The following PLCXD2 variants were observed in gnomAD, a reference collection of about 807,000 sequenced individuals.
The protein encoded by PLCXD2 is PI-PLC X domain-containing protein 2.
Under a neutral mutation model 28.6 loss-of-function variants are expected in PLCXD2, and 21 were observed. The ratio of observed to expected loss-of-function variants is 0.73; its 90% CI spans 0.52 to 1.06. The LOEUF (loss-of-function observed/expected upper bound fraction) is 1.06, where lower values mean the gene tolerates loss of function less well. PLCXD2 is among the 50% of genes least tolerant of loss of function. The pLI is 0.00. For synonymous variants in PLCXD2, 140 were observed against 150.1 expected (o/e 0.93, Z 0.49); for missense variants, 369 against 376.7 (o/e 0.98, Z 0.17).
chr3:111,722,232 C>T lies in PLCXD2; in HGVS notation c.866+8104C>T, dbSNP rs985537839. The T allele has an allele frequency of 3.3e-5, 5 of 149,346 alleles. No homozygotes were observed. In the South Asian group the frequency reaches 6.3e-4, roughly 19 times the overall value. The allele number at this position is 149,346 out of a possible 1,614,324, so 9.3% of individuals were successfully genotyped here. A position where few individuals can be genotyped will look rare whatever the true frequency, so the allele number is the denominator to read the frequency against. ...ATTTATTTATAGATTAAATATCTGC[C>T]GTGCTTCTTACATCAAGAGCACTCA... On this transcript the variant is annotated intron_variant, in intron 3 of 4. Transcript: ENST00000477665.
At chr3:111,719,137 A>G (rs1941312806) in intron 3 of PLCXD2, among the ~76,000 whole-genome samples, 1 of 152,206 alleles carries the variant, frequency 6.6e-6, no homozygotes, top group Admixed American at 6.5e-5. Flanking sequence ...AAAAGCTAAA[A>G]ACCATAAAGC....
rs201874936 is a variant in PLCXD2, at chr3:111,707,992, C to T, written c.230C>T (p.Ala77Val). ...CCAGTGGGGCCTGACCAAACCCAAG[C>T]TATCAAACGCCTCGCCAGGATCTCC... Residue 77 changes from alanine (A) to valine (V), a missense_variant, in exon 2 of 5, where the codon GCT becomes GTT. By Grantham distance (64) the Ala-to-Val change is moderately conservative. Coordinates refer to ENST00000477665, the MANE Select transcript of PLCXD2 (RefSeq NM_001185106.1). The T allele has an allele frequency of 2.1e-4, 341 of 1,614,044 alleles. 1 individual carries two copies. The highest frequency in any genetic ancestry group is 2.8e-4 in the Non-Finnish European group (336 of 1,180,032).
chr3:111,675,453 A>G, intron 1 of PLCXD2, 45 bp downstream of exon 1: 5 of 1,605,854 alleles, frequency 3.1e-6, no homozygotes, highest in Non-Finnish European at 4.3e-6. Flanking sequence ...TAATTCTGCC[A>G]TTTTAGTGTT....
chr3:111,688,292 T>C (rs1013635584), intron 1 of PLCXD2, among the ~76,000 whole-genome samples: 6 of 152,204 alleles, frequency 3.9e-5, no homozygotes, highest in African/African-American at 9.7e-5. Flanking sequence ...ACAGAACTCA[T>C]TGAAAGTTGT....
In PLCXD2 at chr3:111,692,081, G is replaced by A. The variant is rs373533228; in HGVS notation, c.164-15845G>A. Among the ~76,000 whole-genome samples the A allele has an allele frequency of 5.9e-5, 9 of 152,276 alleles. 1 individual carries two copies. Among genetic ancestry groups the A allele is most frequent in the African/African-American group, 1.9e-4 (8 of 41,546 alleles). On this transcript the variant is annotated intron_variant, in intron 1 of 4. Transcript: ENST00000477665. ...TTTTGAGACGGAGTCTGGCTCTGTCGCCCATGCTGGAGTGCAGTGGCGCGA... is the reference window on the plus strand; with the variant it reads ...TTTTGAGACGGAGTCTGGCTCTGTCACCCATGCTGGAGTGCAGTGGCGCGA...
chr3:111,714,462 G>T (rs951766104), intron 3 of PLCXD2, among the ~76,000 whole-genome samples: 3 of 152,156 alleles, frequency 2.0e-5, no homozygotes, highest in Non-Finnish European at 4.4e-5. Context: ...GCTGACCCAG[G>T]CACTCATTTA....
At chr3:111,710,170 T>C (rs1941181342) in intron 2 of PLCXD2, among the ~76,000 whole-genome samples, 1 of 152,216 alleles carries the variant, frequency 6.6e-6, no homozygotes, top group Non-Finnish European at 1.5e-5. Context: ...CCACGGAGGC[T>C]TCATGAGTTA....
chr3:111,691,724 G>T (rs149050878), intron 1 of PLCXD2, among the ~76,000 whole-genome samples: 59 of 152,282 alleles, frequency 3.9e-4, no homozygotes, highest in African/African-American at 1.3e-3. Flanking sequence ...TGTGCACTGA[G>T]GTCTGACAGA....
At chr3:111,698,781 T>A (rs753827784) in intron 1 of PLCXD2, among the ~76,000 whole-genome samples, 6 of 152,132 alleles carry the variant, frequency 3.9e-5, no homozygotes, top group Non-Finnish European at 7.4e-5. Flanking sequence ...GGAACCTCAG[T>A]CTAGGGTGGT....
chr3:111,701,845 A>G (rs901053977), intron 1 of PLCXD2, among the ~76,000 whole-genome samples: 2 of 152,184 alleles, frequency 1.3e-5, no homozygotes, highest in Non-Finnish European at 2.9e-5. Flanking sequence ...ATAGAATCCA[A>G]GATTTCAAGT....
At chr3:111,717,071 A>G (rs1321946499) in intron 3 of PLCXD2, among the ~76,000 whole-genome samples, 1 of 152,136 alleles carries the variant, frequency 6.6e-6, no homozygotes, top group Non-Finnish European at 1.5e-5. Flanking sequence ...ATTTAAGCCA[A>G]CCAGTATGTG....
At chr3:111,702,914 C>G (rs1941063228) in intron 1 of PLCXD2, among the ~76,000 whole-genome samples, 1 of 152,114 alleles carries the variant, frequency 6.6e-6, no homozygotes, top group Non-Finnish European at 1.5e-5. Flanking sequence ...TTTGTAAGTA[C>G]TATTTGCAGA....
chr3:111,725,932 A>G (rs970597533), intron 3 of PLCXD2: 1 of 398,466 alleles, frequency 2.5e-6, no homozygotes. Context: ...GATGCTGGCA[A>G]AGCTTACAGT....
chr3:111,719,972 T>C (rs1941323563), intron 3 of PLCXD2, among the ~76,000 whole-genome samples: 1 of 152,168 alleles, frequency 6.6e-6, no homozygotes, highest in Admixed American at 6.5e-5. Context: ...ACTTAGGGAA[T>C]GTGTATAGAT....
At chr3:111,682,305 C>T (rs1431082735) in intron 1 of PLCXD2, among the ~76,000 whole-genome samples, 1 of 152,162 alleles carries the variant, frequency 6.6e-6, no homozygotes, top group African/African-American at 2.4e-5. Context: ...CTGCATTGCT[C>T]TAAGGGGCAT....
intron 1 of PLCXD2, among the ~76,000 whole-genome samples, chr3:111,690,115 G>T (rs1330572271): frequency 7.0e-6 from 1 of 141,882 alleles, no homozygotes; most frequent in Non-Finnish European, 1.6e-5. Flanking sequence ...CCAAAATCCT[G>T]ATAACAATAC....
At chr3:111,697,187 G>C (rs1940972829) in intron 1 of PLCXD2, among the ~76,000 whole-genome samples, 1 of 152,116 alleles carries the variant, frequency 6.6e-6, no homozygotes, top group African/African-American at 2.4e-5. Context: ...CATCGTGTGA[G>C]CTAGCAAAAA....
chr3:111,716,959 C>A (rs1403817219), intron 3 of PLCXD2, among the ~76,000 whole-genome samples: 1 of 152,172 alleles, frequency 6.6e-6, no homozygotes, highest in Non-Finnish European at 1.5e-5. Flanking sequence ...AAGAAGGCGG[C>A]TGTCTGCAAG....
In PLCXD2 at chr3:111,713,926, C is replaced by A. The variant is rs772332631; in HGVS notation, c.664C>A (p.Pro222Thr). 2.5e-6 allele frequency: 4 copies of A among 1,613,744 alleles called. No homozygotes were observed. Among genetic ancestry groups the A allele is most frequent in the Non-Finnish European group, 3.4e-6 (4 of 1,179,694 alleles). Residue 222 changes from proline (P) to threonine (T), a missense_variant, in exon 3 of 5, where the codon CCC becomes ACC. Physicochemically the swap from Pro to Thr is conservative, Grantham distance 38. Transcript: ENST00000477665. ...CCACTGTCCCTTCTACAAGCAGTAC[C>A]CCTTCCTGTGGCCAGGAAAGAAGAT...
Sources: allele counts gnomAD v4.1 joint callset (sites outside exome capture counted in the v4.1 genomes callset), GRCh38; gene constraint gnomAD v4.1.1; transcripts MANE v1.5; gene names NCBI Gene and HGNC (gene_info 2026-07-23, HGNC 2026-07-21).